Variants in LRRC8D observed in about 807,000 individuals in gnomAD.
The protein encoded by LRRC8D is leucine rich repeat containing 8 VRAC subunit D.
In LRRC8D, 20 loss-of-function variants were observed where a neutral mutation model predicts 55.8. That is an observed-to-expected ratio of 0.36 (90% CI 0.25 to 0.52). LRRC8D has a LOEUF of 0.52. LRRC8D is among the 20% of genes least tolerant of loss of function. The pLI, the probability that LRRC8D is intolerant of heterozygous loss-of-function variation, is 0.93. For synonymous variants in LRRC8D, 352 were observed against 377.0 expected, an observed-to-expected ratio of 0.93 and a Z score of 0.77; for missense variants, 651 against 1,030.8, an observed-to-expected ratio of 0.63 and a Z score of 5.05.
chr1:89,870,538 A>G (rs1478305782), intron 2 of LRRC8D, among the ~76,000 whole-genome samples: 2 of 152,102 alleles, frequency 1.3e-5, no homozygotes, highest in African/African-American at 2.4e-5. Context: ...CTAAGTCAAG[A>G]AGAGAGTCTA....
intron 2 of LRRC8D, among the ~76,000 whole-genome samples, chr1:89,906,750 T>G (rs1322001205): frequency 1.3e-5 from 2 of 152,112 alleles, no homozygotes; most frequent in Non-Finnish European, 2.9e-5. Flanking sequence ...GTGCATGCAT[T>G]TGTAGTAGGC....
At chr1:89,852,011 A>G (rs1312024432) in intron 2 of LRRC8D, among the ~76,000 whole-genome samples, 3 of 150,952 alleles carry the variant, frequency 2.0e-5, no homozygotes, top group Admixed American at 2.0e-4. Flanking sequence ...TTTTTTTTCT[A>G]GTGTCTGTAG....
At chr1:89,849,561 A>G (rs1661360788) in intron 2 of LRRC8D, among the ~76,000 whole-genome samples, 1 of 151,726 alleles carries the variant, frequency 6.6e-6, no homozygotes, top group Non-Finnish European at 1.5e-5. Context: ...CTAATCAATT[A>G]TAATTATACC....
intron 2 of LRRC8D, among the ~76,000 whole-genome samples, chr1:89,871,920 C>T (rs1020891781): frequency 2.6e-5 from 4 of 152,126 alleles, no homozygotes; most frequent in Admixed American, 2.0e-4. Context: ...AATACTACCT[C>T]GTATTTGTCC....
chr1:89,843,592 C>CGA, intron 1 of LRRC8D, 46 bp from the exon 2 acceptor site: 1 of 698,548 alleles, frequency 1.4e-6, no homozygotes, highest in Admixed American at 2.0e-5. Context: ...CCGCTGCCGA[C>CGA]ACTTGGATCT....
intron 2 of LRRC8D, among the ~76,000 whole-genome samples, chr1:89,850,942 A>G (rs554055525): frequency 1.3e-5 from 2 of 152,312 alleles, no homozygotes; most frequent in East Asian, 1.9e-4. Context: ...CACATTTTCT[A>G]AAAACACATT....
chr1:89,854,267 G>A (rs193292412), intron 2 of LRRC8D, among the ~76,000 whole-genome samples: 1 of 152,318 alleles, frequency 6.6e-6, no homozygotes, highest in East Asian at 1.9e-4. Flanking sequence ...ACAGCTGGAA[G>A]TTAGTAACAG....
chr1:89,841,404 C>G (rs1480054378), intron 1 of LRRC8D, among the ~76,000 whole-genome samples: 2 of 151,440 alleles, frequency 1.3e-5, no homozygotes, highest in South Asian at 2.1e-4. Flanking sequence ...CCACCCCCCC[C>G]CTTTTTTTTG....
rs146545921 is a variant in LRRC8D at position 89,871,766 on chromosome 1, G to A, written c.-3+27984G>A. Among the ~76,000 whole-genome samples, 14 of 152,244 alleles carry A rather than the reference G, an allele frequency of 9.2e-5. No homozygotes were observed. The East Asian group carries it at 2.5e-3, about 27-fold the overall frequency. ...GCAACCCATAGTACCTGGTACCTAC[G>A]GTTTGGAACATATGGTGAATGGATT... On this transcript the variant is annotated intron_variant, in intron 2 of 2. Transcript: ENST00000337338.
At chr1:89,839,531 T>C (rs1044405268) in intron 1 of LRRC8D, among the ~76,000 whole-genome samples, 3 of 152,216 alleles carry the variant, frequency 2.0e-5, no homozygotes, top group Non-Finnish European at 4.4e-5. Flanking sequence ...CATTTTGTCA[T>C]GTGAAATGAC....
At chr1:89,860,486 A>C (rs546384613) in intron 2 of LRRC8D, among the ~76,000 whole-genome samples, 2 of 152,078 alleles carry the variant, frequency 1.3e-5, no homozygotes, top group South Asian at 4.2e-4. Flanking sequence ...GTGGCCGGGC[A>C]CAGTGGCTCA....
At chr1:89,914,796 C>T (rs975895921) in intron 2 of LRRC8D, among the ~76,000 whole-genome samples, 2 of 151,284 alleles carry the variant, frequency 1.3e-5, no homozygotes, top group African/African-American at 2.4e-5. Flanking sequence ...AGGCTAGTCT[C>T]GAACTCCTGG....
intron 2 of LRRC8D, among the ~76,000 whole-genome samples, chr1:89,883,353 T>G (rs1036528513): frequency 6.6e-6 from 1 of 152,114 alleles, no homozygotes; most frequent in African/African-American, 2.4e-5. Flanking sequence ...TCAACTAAGA[T>G]CCAATCTGAT....
At chr1:89,845,173 A>G (rs966548573) in intron 2 of LRRC8D, among the ~76,000 whole-genome samples, 2 of 152,230 alleles carry the variant, frequency 1.3e-5, no homozygotes, top group African/African-American at 2.4e-5. Flanking sequence ...TGAAAATTTT[A>G]TCATAAAACA....
chr1:89,875,193 G>A (rs557871701), intron 2 of LRRC8D, among the ~76,000 whole-genome samples: 2 of 152,272 alleles, frequency 1.3e-5, no homozygotes, highest in East Asian at 3.9e-4. Context: ...CTTTTTGACA[G>A]GCATTGCTGT....
intron 1 of LRRC8D, among the ~76,000 whole-genome samples, chr1:89,837,881 G>C (rs538319267): frequency 3.3e-5 from 5 of 151,984 alleles, no homozygotes; most frequent in Admixed American, 2.6e-4. Flanking sequence ...GTTTTTCTTC[G>C]TGTAGACTCC....
At chr1:89,929,202 T>C (rs1487760457) in intron 2 of LRRC8D, among the ~76,000 whole-genome samples, 1 of 152,122 alleles carries the variant, frequency 6.6e-6, no homozygotes, top group Non-Finnish European at 1.5e-5. Flanking sequence ...CAGAGTATTG[T>C]GGGAACACAT....
chr1:89,853,299 G>A (rs548857029), intron 2 of LRRC8D, among the ~76,000 whole-genome samples: 1 of 152,330 alleles, frequency 6.6e-6, no homozygotes, highest in South Asian at 2.1e-4. Context: ...ACAATTGTGA[G>A]TTCAAGTTGA....
chr1:89,831,113 C>G (rs1429157038), intron 1 of LRRC8D, among the ~76,000 whole-genome samples: 2 of 152,140 alleles, frequency 1.3e-5, no homozygotes, highest in Middle Eastern at 3.4e-3. Context: ...GCCATGTTGG[C>G]CAGGCTGGTC....
Sources: gnomAD v4.1 joint callset for allele counts (sites outside exome capture counted in the v4.1 genomes callset) on GRCh38, gnomAD v4.1.1 for gene constraint, MANE v1.5 for transcripts, NCBI Gene and HGNC (gene_info 2026-07-23, HGNC 2026-07-21) for gene names.